Variants in CLVS1 observed in about 807,000 individuals in gnomAD.
CLVS1 encodes the protein clavesin-1.
Under a neutral mutation model 33.1 loss-of-function variants are expected in CLVS1, and 10 were observed. The ratio of observed to expected loss-of-function variants is 0.30; its 90% CI spans 0.19 to 0.51. The LOEUF (loss-of-function observed/expected upper bound fraction) is 0.51, where lower values mean the gene tolerates loss of function less well. CLVS1 is among the 20% of genes least tolerant of loss of function. CLVS1 has a pLI of 0.97. For synonymous variants in CLVS1, 163 were observed against 166.1 expected (o/e 0.98, Z 0.14); for missense variants, 343 against 433.4 (o/e 0.79, Z 1.85).
chr8:60,972,806 C>A, the CLVS1 span, among the ~76,000 whole-genome samples: 2 of 152,180 alleles, frequency 1.3e-5, no homozygotes, highest in Non-Finnish European at 2.9e-5. Context: ...AAACTCTAGC[C>A]TCCAAAAATT....
At chr8:61,270,686 T>C (rs1809418636) in intron 2 of CLVS1, among the ~76,000 whole-genome samples, 1 of 152,192 alleles carries the variant, frequency 6.6e-6, no homozygotes, top group African/African-American at 2.4e-5. Flanking sequence ...TTGCCATAAT[T>C]TCAGATCCTG....
intron 2 of CLVS1, among the ~76,000 whole-genome samples, chr8:61,228,828 T>C (rs1808379321): frequency 6.6e-6 from 1 of 152,230 alleles, no homozygotes; most frequent in South Asian, 2.1e-4. Flanking sequence ...CTCTTGGCTA[T>C]TGTGAATAAT....
At chr8:61,442,425 C>T (rs1237128927) in intron 3 of CLVS1, among the ~76,000 whole-genome samples, 1 of 152,126 alleles carries the variant, frequency 6.6e-6, no homozygotes, top group African/African-American at 2.4e-5. Context: ...TTTGTGTAAA[C>T]ATAAGTTTTT....
chr8:61,119,804 C>T (rs1805818305), intron 1 of CLVS1, among the ~76,000 whole-genome samples: 7 of 115,444 alleles, frequency 6.1e-5, no homozygotes, highest in African/African-American at 2.8e-4. Flanking sequence ...CTGCCCTTAA[C>T]ATTTTTTCCT....
chr8:61,316,717 G>A (rs1811021358), intron 2 of CLVS1, among the ~76,000 whole-genome samples: 1 of 152,204 alleles, frequency 6.6e-6, no homozygotes, highest in Admixed American at 6.5e-5. Flanking sequence ...ATACAATTGA[G>A]CATCCACTGT....
intron 1 of CLVS1, among the ~76,000 whole-genome samples, chr8:61,130,986 A>G (rs1030638345): frequency 2.0e-5 from 3 of 152,218 alleles, no homozygotes; most frequent in African/African-American, 7.2e-5. Flanking sequence ...TTGAGCCCCC[A>G]TTTTAGACAT....
intron 3 of CLVS1, among the ~76,000 whole-genome samples, chr8:61,453,452 C>T (rs924020244): frequency 2.0e-5 from 3 of 152,172 alleles, no homozygotes; most frequent in African/African-American, 7.2e-5. Flanking sequence ...ATAGGTTGAT[C>T]TGCAGAAAAG....
rs757350983 is a variant in CLVS1 at position 61,376,778 on chromosome 8, A to C, written c.629A>C (p.Gln210Pro). Residue 210 changes from glutamine to proline, a missense_variant and splice_region_variant, in exon 3 of 6, where the codon CAG becomes CCG. Transcript: ENST00000325897. ...SILKLAIEGLQDSFPARFGGV... is the reference protein window; with the variant it reads ...SILKLAIEGLPDSFPARFGGV... ...CTTAAACTGGCCATTGAAGGGTTGC[A>C]GGTATGTTCAATGAATGCGCAATAC... 6.2e-7 allele frequency: 1 copy of C among 1,613,248 alleles called. No homozygotes were observed. The highest frequency in any genetic ancestry group is 8.5e-7 in the Non-Finnish European group (1 of 1,179,396).
intron 3 of CLVS1, among the ~76,000 whole-genome samples, chr8:61,414,670 AC>A (rs1298819232): frequency 6.6e-6 from 1 of 152,176 alleles, no homozygotes; most frequent in Admixed American, 6.5e-5. Flanking sequence ...CCTATAATCA[AC>A]TAAGGAAAGC....
At chr8:61,216,299 A>C (rs1808084383) in intron 2 of CLVS1, among the ~76,000 whole-genome samples, 1 of 152,224 alleles carries the variant, frequency 6.6e-6, no homozygotes, top group Admixed American at 6.5e-5. Flanking sequence ...AGAATCCTTA[A>C]GAATAAGTTG....
intron 2 of CLVS1, among the ~76,000 whole-genome samples, chr8:61,314,575 C>T (rs975308150): frequency 3.9e-5 from 6 of 152,104 alleles, no homozygotes; most frequent in East Asian, 1.9e-4. Flanking sequence ...GAATGTATTC[C>T]GTACTCTCTT....
chr8:61,051,790 A>T, the CLVS1 span, among the ~76,000 whole-genome samples: 3 of 152,208 alleles, frequency 2.0e-5, no homozygotes, highest in Admixed American at 6.5e-5. Flanking sequence ...TGCTGGCCCA[A>T]CTGAGGACAG....
chr8:61,037,106 G>A, the CLVS1 span, among the ~76,000 whole-genome samples: 1 of 152,148 alleles, frequency 6.6e-6, no homozygotes, highest in African/African-American at 2.4e-5. Flanking sequence ...ATTCATTTGC[G>A]TGGTAATTAA....
Position 61,115,421 on chromosome 8 carries a change from A to G in CLVS1, c.-242-16349A>G, listed in dbSNP as rs185862960. Among the ~76,000 whole-genome samples the G allele has an allele frequency of 2.6e-3, 398 of 151,650 alleles. 7 individuals are homozygous for G. Among genetic ancestry groups the G allele is most frequent in the Admixed American group, 0.023 (353 of 15,202 alleles). ...TTTAAGTTTTAGGGTACATGTGCAC[A>G]TTGTGCAGGTTAGTTACATATGTAT... On this transcript the variant is annotated intron_variant, in intron 1 of 2. Coordinates refer to the CLVS1 transcript ENST00000522621.
intron 1 of CLVS1, among the ~76,000 whole-genome samples, chr8:61,295,855 A>G (rs1202451678): frequency 6.6e-6 from 1 of 152,152 alleles, no homozygotes; most frequent in Non-Finnish European, 1.5e-5. Flanking sequence ...TGAGGATTAA[A>G]TACTGTAGTC....
intron 2 of CLVS1, among the ~76,000 whole-genome samples, chr8:61,329,597 A>G (rs1042652433): frequency 6.6e-6 from 1 of 152,228 alleles, no homozygotes; most frequent in Non-Finnish European, 1.5e-5. Context: ...ATATGAATGT[A>G]TCAAATTAGC....
At chr8:61,468,979 A>C (rs552235166) in intron 5 of CLVS1, among the ~76,000 whole-genome samples, 49 of 152,304 alleles carry the variant, frequency 3.2e-4, no homozygotes, top group South Asian at 2.7e-3. Context: ...ACACAGCAGC[A>C]CAGCCACCCA....
intron 1 of CLVS1, among the ~76,000 whole-genome samples, chr8:61,295,336 A>G: frequency 6.6e-6 from 1 of 152,216 alleles, no homozygotes; most frequent in East Asian, 1.9e-4. Flanking sequence ...AGAGAATGAC[A>G]AGATCTGTTA....
the CLVS1 span, among the ~76,000 whole-genome samples, chr8:60,975,149 T>A: frequency 3.9e-5 from 6 of 152,094 alleles, no homozygotes; most frequent in Admixed American, 2.6e-4. Flanking sequence ...AGGGAAGACA[T>A]CATAGATGAG....
Sources: allele counts gnomAD v4.1 joint callset (sites outside exome capture counted in the v4.1 genomes callset), GRCh38; gene constraint gnomAD v4.1.1; transcripts MANE v1.5; gene names NCBI Gene and HGNC (gene_info 2026-07-23, HGNC 2026-07-21).